GFI1B: variants seen among roughly 807,000 people sequenced by gnomAD.
GFI1B encodes zinc finger protein Gfi-1b.
GFI1B carries 20 observed loss-of-function variants against 35.3 expected under a neutral mutation model. The ratio of observed to expected loss-of-function variants is 0.57; its 90% CI spans 0.40 to 0.82. The LOEUF is 0.82. Among genes scored for constraint, GFI1B ranks in the 40% least tolerant of loss-of-function variants. The pLI is 0.00. For missense variants in GFI1B, 430 were observed against 446.3 expected (o/e 0.96, Z 0.33); for synonymous variants, 178 against 177.6 (o/e 1.00, Z -0.02).
At position 132,953,879 on chromosome 9, in the gene GFI1B, TGAGCCAA is replaced by T. The variant is rs532215565; in HGVS notation, c.-701+8213_-701+8219del. Reference sequence around the variant, plus strand: ...TGAACCCGGGAGGTGGAGGTTGTAGTGAGCCAAGATCATGCCACCCTAACTCCAGCCT... The same window carrying T: ...TGAACCCGGGAGGTGGAGGTTGTAGTGATCATGCCACCCTAACTCCAGCCT... On this transcript the variant is annotated intron_variant, in intron 1 of 10. Coordinates refer to the GFI1B transcript ENST00000339463. 4 of 152,124 alleles carry T rather than the reference TGAGCCAA, an allele frequency of 2.6e-5. No homozygotes were observed. The East Asian group carries it at 7.8e-4, about 29-fold the overall frequency. The allele number at this position is 152,124 out of a possible 1,614,324, so 9.4% of individuals were successfully genotyped here.
intron 1 of GFI1B, among the ~76,000 whole-genome samples, chr9:132,983,835 C>T (rs1215705005): frequency 3.3e-5 from 5 of 152,386 alleles, no homozygotes; most frequent in African/African-American, 9.6e-5. Flanking sequence ...AACTGCCCAC[C>T]TGCTGGGCTG....
At chr9:132,964,178 T>C (rs968463625) in intron 1 of GFI1B, among the ~76,000 whole-genome samples, 1 of 152,106 alleles carries the variant, frequency 6.6e-6, no homozygotes, top group Non-Finnish European at 1.5e-5. Context: ...AGGTGGAGGT[T>C]GCAGTGAGCC....
chr9:132,964,743 CTTTTTTTTTTTTT>C (rs71376675), intron 1 of GFI1B, among the ~76,000 whole-genome samples: 200 of 107,944 alleles, frequency 1.9e-3, no homozygotes, highest in Middle Eastern at 6.3e-3. Flanking sequence ...ATTTTTCTTC[CTTTTTTTTTTTTT>C]TTTTTTTTTT....
chr9:132,993,091 C>T (rs920437809), downstream of GFI1B, among the ~76,000 whole-genome samples: 2 of 152,010 alleles, frequency 1.3e-5, no homozygotes, highest in Non-Finnish European at 2.9e-5. Context: ...GTCAGGAGTT[C>T]GAGACCAGCC....
At chr9:132,946,127 T>C (rs1848090291) in intron 1 of GFI1B, among the ~76,000 whole-genome samples, 1 of 152,188 alleles carries the variant, frequency 6.6e-6, no homozygotes, top group African/African-American at 2.4e-5. Flanking sequence ...GTGAACAACC[T>C]TTATAACCAT....
intron 2 of GFI1B, 76 bp downstream of exon 2, chr9:132,986,854 G>A (rs528120970): frequency 3.5e-5 from 30 of 868,924 alleles, no homozygotes; most frequent in South Asian, 1.8e-4. Flanking sequence ...GTGCAGCAGC[G>A]TCCCTCCTGC....
upstream of GFI1B, among the ~76,000 whole-genome samples, chr9:132,974,118 T>G (rs1441379489): frequency 6.6e-6 from 1 of 151,624 alleles, no homozygotes; most frequent in African/African-American, 2.4e-5. Flanking sequence ...AAAGCCGAGA[T>G]GATGGAGAGA....
In GFI1B at chr9:132,989,183, G is replaced by A. The variant is rs759546183; in HGVS notation, c.633G>A (p.Thr211=). 6.8e-6 allele frequency: 11 copies of A among 1,613,314 alleles called. No homozygotes were observed. The highest frequency in any genetic ancestry group is 2.2e-5 in the East Asian group (1 of 44,862). The change falls in exon 5 of 7, where the codon ACG becomes ACA. Residue 211 remains threonine (T), a synonymous_variant. Coordinates refer to ENST00000372122, the MANE Select transcript of GFI1B (RefSeq NM_001377304.1). This position sits in a 1 kb window ranked among gnomAD's most constrained non-coding sequence, Gnocchi z 6.2. ...FGHAVSLEQH[T]HVHSQERSFE... is the part of the protein sequence containing the mutation. ...ACGCTGTGAGCCTGGAGCAGCACAC[G>A]CACGTCCACTCCCAGGTGGGCACCT...
Position 132,989,722 on chromosome 9 carries a change from G to C in GFI1B, c.649-20G>C. Reference sequence around the variant, plus strand: ...CCTGAGCCTGCACCTGACCCCCCGGGGCCTCATTTCCTCCGGCAGGAGCGC... The same window carrying C: ...CCTGAGCCTGCACCTGACCCCCCGGCGCCTCATTTCCTCCGGCAGGAGCGC... On this transcript the variant is annotated intron_variant, in intron 5 of 6. Coordinates refer to ENST00000372122, the MANE Select transcript of GFI1B (RefSeq NM_001377304.1). The surrounding 1 kb of genome is among the most constrained non-coding windows in gnomAD (Gnocchi z 6.2). The C allele has an allele frequency of 6.2e-7, 1 of 1,610,988 alleles. No individual in the cohort carries two copies. Among genetic ancestry groups the C allele is most frequent in the South Asian group, 1.1e-5 (1 of 90,952 alleles).
At chr9:132,945,821 G>A (rs1219341324) in intron 1 of GFI1B, 1 of 153,566 alleles carries the variant, frequency 6.5e-6, no homozygotes, top group Non-Finnish European at 1.5e-5. Flanking sequence ...CAGGCAGAGG[G>A]AACCAAAGGA....
chr9:132,982,543 G>A (rs1037266642), intron 1 of GFI1B, among the ~76,000 whole-genome samples: 6 of 152,194 alleles, frequency 3.9e-5, no homozygotes, highest in African/African-American at 1.4e-4. Context: ...GCCTCTTTCC[G>A]GAGGTCCGAT....
chr9:132,978,186 G>A (rs1036607184), upstream of GFI1B, among the ~76,000 whole-genome samples: 1 of 149,934 alleles, frequency 6.7e-6, no homozygotes, highest in Admixed American at 6.7e-5. Context: ...AGGAGAGGAG[G>A]AGAAGGAGGG....
At chr9:132,977,315 AGCAGTGGTCTGCTGTCTGTAGCCTGGG>A (rs1338417192), upstream of GFI1B, among the ~76,000 whole-genome samples, 1 of 151,902 alleles carries the variant, frequency 6.6e-6, no homozygotes, top group Non-Finnish European at 1.5e-5. Context: ...CAGAGCTGGG[AGCAGTGGTCTGCTGTCTGTAGCCTGGG>A]GCTGGGACTG....
rs370269669 is a variant in GFI1B, at chr9:132,989,142, G to C, written c.592G>C (p.Gly198Arg). 5 of 1,613,988 alleles carry C rather than the reference G, an allele frequency of 3.1e-6. No homozygotes were observed. Among genetic ancestry groups the C allele is most frequent in the Non-Finnish European group, 4.2e-6 (5 of 1,179,898 alleles). Residue 198 changes from glycine to arginine, a missense_variant, in exon 5 of 7, where the codon GGC becomes CGC. By Grantham distance (125) the Gly-to-Arg change is moderately radical. Transcript: ENST00000372122. The surrounding 1 kb of genome is among the most constrained non-coding windows in gnomAD (Gnocchi z 6.2). ...CCGGCCCTTCGCCTGTGACATCTGC[G>C]GCAAAACCTTCGGCCACGCTGTGAG... ...GTRPFACDIC[G>R]KTFGHAVSLE...
chr9:132,949,139 A>G (rs1479223919), intron 1 of GFI1B, among the ~76,000 whole-genome samples: 1 of 151,984 alleles, frequency 6.6e-6, no homozygotes, highest in East Asian at 1.9e-4. Context: ...AGCTGCTCAC[A>G]CCTGTCTTTT....
intron 4 of GFI1B, 73 bp downstream of exon 4, chr9:132,988,541 G>C: frequency 7.2e-7 from 1 of 1,387,678 alleles, no homozygotes; most frequent in Non-Finnish European, 1.0e-6. Flanking sequence ...TGGCAGCTCT[G>C]GGCGTTCTCT....
At chr9:132,954,299 G>T (rs1486622273) in intron 1 of GFI1B, among the ~76,000 whole-genome samples, 2 of 152,098 alleles carry the variant, frequency 1.3e-5, no homozygotes, top group Non-Finnish European at 2.9e-5. Flanking sequence ...TACCAGCAGG[G>T]TGCAGTGGCT....
chr9:132,973,780 C>T (rs193047083), upstream of GFI1B, among the ~76,000 whole-genome samples: 7 of 152,306 alleles, frequency 4.6e-5, no homozygotes, highest in African/African-American at 7.2e-5. Context: ...TGGCTCCAAA[C>T]GCCTCTCTGG....
chr9:132,988,938 C>G, intron 4 of GFI1B, 123 bp from the exon 5 acceptor site: 2 of 913,220 alleles, frequency 2.2e-6, no homozygotes, highest in Non-Finnish European at 3.6e-6. Context: ...ACTGGCAATC[C>G]AGTGCCCCTT....
Sources: allele counts gnomAD v4.1 joint callset (sites outside exome capture counted in the v4.1 genomes callset), GRCh38; gene constraint gnomAD v4.1.1; non-coding constraint Gnocchi (gnomAD v3.1); transcripts MANE v1.5; gene names NCBI Gene and HGNC (gene_info 2026-07-23, HGNC 2026-07-21).